The following C1orf21 variants were observed in gnomAD, a reference collection of about 807,000 sequenced individuals.
The protein encoded by C1orf21 is uncharacterized protein C1orf21.
Under a neutral mutation model 18.7 loss-of-function variants are expected in C1orf21, and 3 were observed. The ratio of observed to expected loss-of-function variants is 0.16; its 90% CI spans 0.07 to 0.42. The LOEUF is 0.42. Among genes scored for constraint, C1orf21 ranks in the 10% least tolerant of loss-of-function variants. The pLI is 0.99. For missense variants in C1orf21, 104 were observed against 143.6 expected (o/e 0.72, Z 1.41); for synonymous variants, 41 against 46.4 (o/e 0.88, Z 0.47).
intron 1 of C1orf21, among the ~76,000 whole-genome samples, chr1:184,457,257 T>G (rs1440363315): frequency 6.6e-6 from 1 of 152,196 alleles, no homozygotes; most frequent in South Asian, 2.1e-4. Context: ...ATTGGTATAT[T>G]CAACAAATAC....
chr1:184,546,501 A>G (rs1658730281), intron 3 of C1orf21, among the ~76,000 whole-genome samples: 2 of 152,200 alleles, frequency 1.3e-5, no homozygotes, highest in African/African-American at 2.4e-5. Flanking sequence ...GACTGGGGAT[A>G]ATTGTGAGCA....
chr1:184,597,510 C>A (rs1659532089), intron 4 of C1orf21, among the ~76,000 whole-genome samples: 1 of 152,214 alleles, frequency 6.6e-6, no homozygotes, highest in Admixed American at 6.5e-5. Context: ...CCACCCCCAG[C>A]CCCCTCCTTC....
At chr1:184,496,170 A>G (rs1162151221) in intron 2 of C1orf21, among the ~76,000 whole-genome samples, 2 of 152,128 alleles carry the variant, frequency 1.3e-5, no homozygotes, top group Admixed American at 6.6e-5. Flanking sequence ...GTCTACCCAT[A>G]GAGCATCCTG....
rs1658311615 is a variant in C1orf21 at position 184,521,953 on chromosome 1, A to G, written c.189+14271A>G. On this transcript the variant is annotated intron_variant, in intron 3 of 5. Coordinates refer to ENST00000235307, the MANE Select transcript of C1orf21 (RefSeq NM_030806.4). ...AGCAACCATACATAAGCACTGTACT[A>G]ATTTTTACTATGGAGGTAATAATTA... Among the ~76,000 whole-genome samples the G allele has an allele frequency of 2.6e-5, 4 of 152,348 alleles. No homozygotes were observed. The South Asian group carries it at 6.2e-4, about 24-fold the overall frequency.
At chr1:184,579,046 CT>C (rs71101936) in intron 3 of C1orf21, among the ~76,000 whole-genome samples, 71 of 131,192 alleles carry the variant, frequency 5.4e-4, no homozygotes, top group Non-Finnish European at 5.7e-4. Flanking sequence ...CTTTAAAGTT[CT>C]TTTTTTTTTT....
chr1:184,469,243 C>T (rs534952120), intron 1 of C1orf21, among the ~76,000 whole-genome samples: 12 of 152,270 alleles, frequency 7.9e-5, no homozygotes, highest in Admixed American at 2.6e-4. Context: ...GAGTGAGACT[C>T]TGTAATAAAA....
intron 3 of C1orf21, among the ~76,000 whole-genome samples, chr1:184,542,206 TATC>T (rs1658662946): frequency 1.3e-5 from 2 of 152,178 alleles, no homozygotes; most frequent in Non-Finnish European, 2.9e-5. Context: ...GATGTGGGGA[TATC>T]AAGGTAAAAG....
intron 5 of C1orf21, among the ~76,000 whole-genome samples, chr1:184,614,669 TAGA>T (rs1659791559): frequency 6.6e-6 from 1 of 152,190 alleles, no homozygotes; most frequent in Non-Finnish European, 1.5e-5. Context: ...CACCATAATG[TAGA>T]ATCAGTGGGA....
intron 5 of C1orf21, among the ~76,000 whole-genome samples, chr1:184,608,097 G>A (rs531736333): frequency 7.9e-5 from 12 of 152,234 alleles, no homozygotes; most frequent in South Asian, 6.2e-4. Flanking sequence ...TGCTGTGCCC[G>A]GGGATGGGGA....
At chr1:184,607,935 C>T (rs1659673648) in intron 5 of C1orf21, among the ~76,000 whole-genome samples, 1 of 152,008 alleles carries the variant, frequency 6.6e-6, no homozygotes, top group Non-Finnish European at 1.5e-5. Flanking sequence ...TTTTACATGG[C>T]ATATTTACAA....
At chr1:184,439,768 C>A (rs1309705229) in intron 1 of C1orf21, among the ~76,000 whole-genome samples, 2 of 152,074 alleles carry the variant, frequency 1.3e-5, no homozygotes, top group Non-Finnish European at 2.9e-5. Context: ...CTGGGCAATA[C>A]AGGGAGACTC....
At chr1:184,537,181 A>G (rs1398956686) in intron 3 of C1orf21, among the ~76,000 whole-genome samples, 1 of 152,166 alleles carries the variant, frequency 6.6e-6, no homozygotes, top group African/African-American at 2.4e-5. Context: ...TGTACAGTTC[A>G]GTGACATTGA....
At chr1:184,475,904 C>A (rs1199602521) in intron 1 of C1orf21, among the ~76,000 whole-genome samples, 2 of 151,922 alleles carry the variant, frequency 1.3e-5, no homozygotes, top group Non-Finnish European at 2.9e-5. Flanking sequence ...GTTTGTAGAA[C>A]TTTACCAACC....
At chr1:184,533,975 T>C (rs955419748) in intron 3 of C1orf21, among the ~76,000 whole-genome samples, 1 of 152,228 alleles carries the variant, frequency 6.6e-6, no homozygotes, top group Admixed American at 6.5e-5. Context: ...ATGTGAATGG[T>C]TCTGATTCGA....
At chr1:184,598,816 A>G (rs1266290745) in intron 5 of C1orf21, among the ~76,000 whole-genome samples, 1 of 152,190 alleles carries the variant, frequency 6.6e-6, no homozygotes, top group Non-Finnish European at 1.5e-5. Flanking sequence ...GTACCTGCTG[A>G]AACCTATCGA....
intron 4 of C1orf21, among the ~76,000 whole-genome samples, chr1:184,595,922 G>A (rs1659508196): frequency 6.6e-6 from 1 of 151,900 alleles, no homozygotes; most frequent in Non-Finnish European, 1.5e-5. Flanking sequence ...CTTAGACAAA[G>A]AAAAAGCAGG....
chr1:184,423,528 A>G (rs1656581809), intron 1 of C1orf21, among the ~76,000 whole-genome samples: 1 of 152,164 alleles, frequency 6.6e-6, no homozygotes, highest in Non-Finnish European at 1.5e-5. Context: ...GTCCTTTAGG[A>G]AGATTAATCT....
intron 1 of C1orf21, among the ~76,000 whole-genome samples, chr1:184,450,741 G>C (rs1323347985): frequency 1.3e-5 from 2 of 152,092 alleles, no homozygotes; most frequent in African/African-American, 2.4e-5. Context: ...CTTTATAAAG[G>C]ACAAGAGAGA....
chr1:184,590,813 A>G lies in C1orf21; in HGVS notation c.264A>G (p.Ala88=). 2 of 1,613,226 alleles carry G rather than the reference A, an allele frequency of 1.2e-6. No individual in the cohort carries two copies. Among genetic ancestry groups the G allele is most frequent in the Non-Finnish European group, 1.7e-6 (2 of 1,179,272 alleles). The change falls in exon 4 of 6, where the codon GCA becomes GCG. Residue 88 remains alanine, a splice_region_variant and synonymous_variant. Coordinates refer to ENST00000235307, the MANE Select transcript of C1orf21 (RefSeq NM_030806.4). ...EVPGLVHQPR[A]NMHISESQQE... is the part of the protein sequence containing the mutation. ...CGGGATTAGTTCATCAACCCAGAGC[A>G]AAGTAAGTTCTAGTTTCTGTTTTCC...
Sources: gnomAD v4.1 joint callset for allele counts (sites outside exome capture counted in the v4.1 genomes callset) on GRCh38, gnomAD v4.1.1 for gene constraint, MANE v1.5 for transcripts, NCBI Gene and HGNC (gene_info 2026-07-23, HGNC 2026-07-21) for gene names.